IFI16: variants seen among roughly 807,000 people sequenced by gnomAD.
IFI16 encodes the protein interferon gamma inducible protein 16, also known as gamma-interferon-inducible protein 16.
A neutral mutation model predicts 68.4 loss-of-function variants in IFI16; 49 were observed. The ratio of observed to expected loss-of-function variants is 0.72; its 90% CI spans 0.57 to 0.91. The LOEUF (loss-of-function observed/expected upper bound fraction) is 0.91, where lower values mean the gene tolerates loss of function less well. Ranked by LOEUF, IFI16 falls within the 40% of genes least tolerant of loss-of-function variation. The pLI is 0.00. For missense variants in IFI16, 878 were observed against 942.9 expected, an observed-to-expected ratio of 0.93 and a Z score of 0.90; for synonymous variants, 307 against 315.0, an observed-to-expected ratio of 0.97 and a Z score of 0.27.
At chr1:159,028,959 A>C (rs1035891045) in intron 6 of IFI16, among the ~76,000 whole-genome samples, 1 of 152,174 alleles carries the variant, frequency 6.6e-6, no homozygotes, top group Non-Finnish European at 1.5e-5. Context: ...TGTATGCTTT[A>C]AGTGGAGCAT....
Position 159,046,203 on chromosome 1 carries a change from A to C in IFI16, c.1497+739A>C, listed in dbSNP as rs774301201. Among the ~76,000 whole-genome samples the C allele has an allele frequency of 3.2e-4, 48 of 151,218 alleles. 2 individuals carry two copies. The highest frequency in any genetic ancestry group is 6.7e-4 in the Non-Finnish European group (45 of 67,612). ...ATTTACAATGAACATAGTAAGAACA[A>C]ATGTCTCTCAGATCTTCTTTCATTA... is the stretch of plus-strand genomic sequence containing the variant. On this transcript the variant is annotated intron_variant, in intron 8 of 11. Transcript: ENST00000295809.
intron 6 of IFI16, among the ~76,000 whole-genome samples, chr1:159,027,868 GT>G (rs1557870903): frequency 1.3e-5 from 2 of 152,090 alleles, no homozygotes; most frequent in East Asian, 3.9e-4. Flanking sequence ...TTATCATTTT[GT>G]TTTTAATTGA....
At chr1:159,010,500 C>T (rs545519783) in intron 1 of IFI16, among the ~76,000 whole-genome samples, 4 of 152,176 alleles carry the variant, frequency 2.6e-5, no homozygotes, top group Admixed American at 2.0e-4. Context: ...GTTGGAAACT[C>T]GGTAGCTGTG....
chr1:159,015,759 C>T (rs1401692383), intron 2 of IFI16, 113 bp from the exon 3 acceptor site: 1 of 744,260 alleles, frequency 1.3e-6, no homozygotes. Context: ...ACAGCTGAAC[C>T]CTCAAGCAGG....
chr1:159,042,955 G>A (rs1654754825), intron 7 of IFI16, among the ~76,000 whole-genome samples: 1 of 152,124 alleles, frequency 6.6e-6, no homozygotes, highest in South Asian at 2.1e-4. Context: ...GCAACTTGAG[G>A]GATAGGGAAC....
chr1:159,049,627 C>A (rs777671662), intron 9 of IFI16, 28 bp downstream of exon 9: 1 of 1,613,036 alleles, frequency 6.2e-7, no homozygotes, highest in Admixed American at 1.7e-5. Flanking sequence ...CCAATACATT[C>A]CCCTCGCTAC....
chr1:159,001,379 A>G (rs529205969), upstream of IFI16, among the ~76,000 whole-genome samples: 7 of 152,352 alleles, frequency 4.6e-5, no homozygotes, highest in South Asian at 1.4e-3. Flanking sequence ...TCCCATTGAT[A>G]GAGACAATGT....
chr1:159,030,087 A>G (rs533573399), intron 6 of IFI16, among the ~76,000 whole-genome samples: 37 of 151,958 alleles, frequency 2.4e-4, no homozygotes, highest in African/African-American at 8.7e-4. Context: ...GTTTGATTCT[A>G]TTGCTAAGAC....
In IFI16 at chr1:159,010,086, C is replaced by T. The variant is rs1310910639; in HGVS notation, c.-96C>T. On this transcript the variant is annotated 5_prime_UTR_variant, in exon 1 of 12. Transcript: ENST00000295809. ...AACTTTACTGATTTATCTCCCCCCTCACACAAATAAGCATTGATTCCTGCA... is the reference window on the plus strand; with the variant it reads ...AACTTTACTGATTTATCTCCCCCCTTACACAAATAAGCATTGATTCCTGCA... 6.6e-6 allele frequency: 1 copy of T among 150,934 alleles called. No homozygotes were observed. Among genetic ancestry groups the T allele is most frequent in the African/African-American group, 2.5e-5 (1 of 40,298 alleles). 9.3% of individuals were successfully genotyped at this position (150,934 alleles called of 1,614,324 possible).
chr1:159,038,128 G>A (rs1167344186), intron 7 of IFI16, among the ~76,000 whole-genome samples: 3 of 151,896 alleles, frequency 2.0e-5, no homozygotes, highest in Admixed American at 2.0e-4. Context: ...AAAAACTTTG[G>A]TAATCATGCA....
At position 159,048,464 on chromosome 1, in the gene IFI16, A is replaced by C. The variant is rs1403768757; in HGVS notation, c.1498-968A>C. Among the ~76,000 whole-genome samples the C allele has an allele frequency of 2.2e-4, 33 of 151,532 alleles. 1 individual carries two copies. In the Admixed American group the frequency reaches 2.2e-3, roughly 10 times the overall value. On this transcript the variant is annotated intron_variant, in intron 8 of 11. Transcript: ENST00000295809. ...GTTAACATTTAAAATGTGAACCTTTAATGAGCATAGACTGAATCCACAGTA... is the reference window on the plus strand; with the variant it reads ...GTTAACATTTAAAATGTGAACCTTTCATGAGCATAGACTGAATCCACAGTA...
chr1:159,033,413 A>G (rs1458474183), intron 7 of IFI16, among the ~76,000 whole-genome samples: 2 of 152,228 alleles, frequency 1.3e-5, no homozygotes, highest in Non-Finnish European at 2.9e-5. Flanking sequence ...ACCAGAGCAA[A>G]CCTACAAATT....
chr1:159,046,565 G>A (rs2101914310), intron 8 of IFI16, among the ~76,000 whole-genome samples: 1 of 151,162 alleles, frequency 6.6e-6, no homozygotes, highest in Admixed American at 6.6e-5. Flanking sequence ...TTACCAATAT[G>A]TTCATCCTCT....
chr1:159,052,183 C>T (rs752899783), intron 10 of IFI16, 85 bp downstream of exon 10: 4 of 1,064,474 alleles, frequency 3.8e-6, no homozygotes, highest in East Asian at 2.4e-5. Flanking sequence ...GTTTGGTCAA[C>T]TTACTCAACA....
upstream of IFI16, among the ~76,000 whole-genome samples, chr1:159,003,822 A>G (rs1303324334): frequency 6.6e-6 from 1 of 151,786 alleles, no homozygotes; most frequent in East Asian, 1.9e-4. Flanking sequence ...CACCATGCCC[A>G]GCTAATTTTT....
chr1:159,033,956 CA>C (rs1156667625), intron 7 of IFI16, among the ~76,000 whole-genome samples: 2 of 151,922 alleles, frequency 1.3e-5, no homozygotes, highest in African/African-American at 4.8e-5. Flanking sequence ...TAATAAATAA[CA>C]AAAAAGGTTA....
intron 7 of IFI16, among the ~76,000 whole-genome samples, chr1:159,042,985 T>C (rs1466551681): frequency 1.3e-5 from 2 of 152,176 alleles, no homozygotes; most frequent in Non-Finnish European, 2.9e-5. Flanking sequence ...TACATTATTA[T>C]TCTCCAATAT....
At chr1:159,004,757 A>C (rs1312673837), upstream of IFI16, among the ~76,000 whole-genome samples, 2 of 152,222 alleles carry the variant, frequency 1.3e-5, no homozygotes, top group South Asian at 2.1e-4. Flanking sequence ...ACAGTAGAGA[A>C]TCTCATCTTC....
At chr1:159,042,853 C>G (rs1654742509) in intron 7 of IFI16, among the ~76,000 whole-genome samples, 1 of 152,172 alleles carries the variant, frequency 6.6e-6, no homozygotes, top group African/African-American at 2.4e-5. Flanking sequence ...GCCCTGATAT[C>G]ACCCCCTGTG....
Sources: gnomAD v4.1 joint callset for allele counts (sites outside exome capture counted in the v4.1 genomes callset) on GRCh38, gnomAD v4.1.1 for gene constraint, MANE v1.5 for transcripts, NCBI Gene and HGNC (gene_info 2026-07-23, HGNC 2026-07-21) for gene names.